The following SAMD5 variants were observed in gnomAD, a reference collection of about 807,000 sequenced individuals.
SAMD5 encodes the protein sterile alpha motif domain containing 5.
A neutral mutation model predicts 11.3 loss-of-function variants in SAMD5; 13 were observed. The observed-to-expected ratio is 1.15, with a 90% confidence interval of 0.75 to 1.83. The LOEUF (loss-of-function observed/expected upper bound fraction) is 1.83, where lower values mean the gene tolerates loss of function less well. Ranked by LOEUF, SAMD5 falls within the 40% of genes most tolerant of loss-of-function variation. SAMD5 has a pLI of 0.00. For missense variants in SAMD5, 255 were observed against 239.1 expected, an observed-to-expected ratio of 1.07 and a Z score of -0.44; for synonymous variants, 129 against 111.3, an observed-to-expected ratio of 1.16 and a Z score of -1.00.
chr6:147,509,396 G>A lies in SAMD5; in HGVS notation c.459+9G>A. 6.6e-7 allele frequency: 1 copy of A among 1,517,772 alleles called. No individual in the cohort carries two copies. Among genetic ancestry groups the A allele is most frequent in the Non-Finnish European group, 8.8e-7 (1 of 1,133,444 alleles). The allele number at this position is 1,517,772 out of a possible 1,614,324, so 94.0% of individuals were successfully genotyped here. ...CCCCGTACTCCCGCAAGGTAAGGAGGTGCCGTCCGGGCGGCCCGGGGCGCG... is the reference window on the plus strand; with the variant it reads ...CCCCGTACTCCCGCAAGGTAAGGAGATGCCGTCCGGGCGGCCCGGGGCGCG... On this transcript the variant is annotated intron_variant, in intron 1 of 1. Coordinates refer to ENST00000367474, the MANE Select transcript of SAMD5 (RefSeq NM_001030060.3).
chr6:147,918,389 C>A, the SAMD5 span, among the ~76,000 whole-genome samples: 2 of 152,092 alleles, frequency 1.3e-5, no homozygotes, highest in Non-Finnish European at 2.9e-5. Flanking sequence ...TATAAGAATA[C>A]TTGTGAATGG....
At chr6:147,855,987 C>T in the SAMD5 span, among the ~76,000 whole-genome samples, 1 of 152,084 alleles carries the variant, frequency 6.6e-6, no homozygotes, top group Non-Finnish European at 1.5e-5. Context: ...AATGTACATG[C>T]AAATTGTATT....
At chr6:147,513,526 G>A (rs1457083577) in intron 1 of SAMD5, among the ~76,000 whole-genome samples, 1 of 152,168 alleles carries the variant, frequency 6.6e-6, no homozygotes, top group African/African-American at 2.4e-5. Flanking sequence ...TGAGATGCCT[G>A]TGGAATGTCC....
chr6:147,648,659 G>A (rs963872467), intron 1 of SAMD5, among the ~76,000 whole-genome samples: 6 of 152,222 alleles, frequency 3.9e-5, no homozygotes, highest in African/African-American at 1.4e-4. Context: ...TGGATCCTCA[G>A]ATTTGGAGAT....
At chr6:147,766,219 T>G in the SAMD5 span, among the ~76,000 whole-genome samples, 1 of 151,920 alleles carries the variant, frequency 6.6e-6, no homozygotes, top group Non-Finnish European at 1.5e-5. Flanking sequence ...ATATAAGAAG[T>G]TCATTGTCTC....
chr6:147,547,700 C>T (rs1788708262), intron 1 of SAMD5, among the ~76,000 whole-genome samples: 1 of 152,100 alleles, frequency 6.6e-6, no homozygotes, highest in Non-Finnish European at 1.5e-5. Context: ...CGTGGGAGCG[C>T]CATCTATCAT....
At chr6:147,514,875 T>C (rs961274151) in intron 1 of SAMD5, among the ~76,000 whole-genome samples, 8 of 152,326 alleles carry the variant, frequency 5.3e-5, no homozygotes, top group African/African-American at 1.7e-4. Flanking sequence ...TTTATGGATA[T>C]TCTGGAGAGA....
At chr6:147,924,248 G>A in the SAMD5 span, among the ~76,000 whole-genome samples, 1 of 152,096 alleles carries the variant, frequency 6.6e-6, no homozygotes, top group African/African-American at 2.4e-5. Context: ...ACAAACACTA[G>A]TTTAGCAGGG....
Position 147,566,714 on chromosome 6 carries a change from G to T in SAMD5, c.*2258G>T. ...GTAAGAGTCACAGTCAGCAAAAAAA[G>T]CCAATGGATTTTAAAAAGACATCTT... On this transcript the variant is annotated 3_prime_UTR_variant, in exon 2 of 2. Transcript: ENST00000367474. 1.2e-5 allele frequency: 12 copies of T among 985,112 alleles called. No individual in the cohort carries two copies. The highest frequency in any genetic ancestry group is 1.4e-5 in the Non-Finnish European group (12 of 829,674). The allele number at this position is 985,112 out of a possible 1,614,324, so 61.0% of individuals were successfully genotyped here. A position where few individuals can be genotyped will look rare whatever the true frequency, so the allele number is the denominator to read the frequency against.
the SAMD5 span, among the ~76,000 whole-genome samples, chr6:147,899,189 A>AAAAAAAAAAAAAAAAG: frequency 5.6e-3 from 686 of 122,964 alleles, 27 homozygotes; most frequent in East Asian, 0.013. Context: ...AAAAAAAAAA[A>AAAAAAAAAAAAAAAAG]AAAAGATAAC....
At chr6:147,750,857 T>C in the SAMD5 span, among the ~76,000 whole-genome samples, 1 of 152,116 alleles carries the variant, frequency 6.6e-6, no homozygotes, top group East Asian at 1.9e-4. Flanking sequence ...GGGAGGCAAA[T>C]GTTGCAGTGA....
At chr6:147,512,912 A>G (rs1788110950) in intron 1 of SAMD5, among the ~76,000 whole-genome samples, 1 of 152,240 alleles carries the variant, frequency 6.6e-6, no homozygotes, top group African/African-American at 2.4e-5. Context: ...AGGTGCATCC[A>G]ACCCAGTTTG....
At chr6:147,647,792 G>A (rs1029748403) in intron 1 of SAMD5, among the ~76,000 whole-genome samples, 1 of 152,168 alleles carries the variant, frequency 6.6e-6, no homozygotes, top group Non-Finnish European at 1.5e-5. Flanking sequence ...AGGAAATTTA[G>A]GCAACTTGAG....
At chr6:147,900,252 G>A in the SAMD5 span, among the ~76,000 whole-genome samples, 2 of 152,100 alleles carry the variant, frequency 1.3e-5, no homozygotes, top group South Asian at 2.1e-4. Context: ...GTGACACGTC[G>A]CTTCCATACA....
At chr6:147,875,974 TC>T in the SAMD5 span, among the ~76,000 whole-genome samples, 38 of 152,154 alleles carry the variant, frequency 2.5e-4, no homozygotes, top group African/African-American at 7.7e-4. Context: ...TCCCAAAACA[TC>T]CCCTTGTCCC....
At chr6:147,697,250 A>G (rs951581486) in intron 1 of SAMD5, among the ~76,000 whole-genome samples, 1 of 152,230 alleles carries the variant, frequency 6.6e-6, no homozygotes, top group Non-Finnish European at 1.5e-5. Flanking sequence ...ATGGGAGCTC[A>G]GTCTCAAATC....
intron 1 of SAMD5, among the ~76,000 whole-genome samples, chr6:147,680,776 T>C (rs937865889): frequency 1.2e-4 from 19 of 152,122 alleles, no homozygotes; most frequent in African/African-American, 3.4e-4. Flanking sequence ...TCATATGGTT[T>C]TTCTTTCGTG....
the SAMD5 span, among the ~76,000 whole-genome samples, chr6:147,887,187 T>A: frequency 6.6e-6 from 1 of 152,232 alleles, no homozygotes; most frequent in Admixed American, 6.5e-5. Context: ...TATAGAACAT[T>A]GACATACAAT....
intron 1 of SAMD5, among the ~76,000 whole-genome samples, chr6:147,733,283 G>A (rs1165814402): frequency 1.3e-5 from 2 of 152,172 alleles, no homozygotes; most frequent in Non-Finnish European, 2.9e-5. Context: ...TTTTTCCAAT[G>A]TAATGTTTGT....
Sources: gnomAD v4.1 joint callset for allele counts (sites outside exome capture counted in the v4.1 genomes callset) on GRCh38, gnomAD v4.1.1 for gene constraint, MANE v1.5 for transcripts, NCBI Gene and HGNC (gene_info 2026-07-23, HGNC 2026-07-21) for gene names.